Variants in OSBPL1A observed in about 807,000 individuals in gnomAD.
OSBPL1A encodes the protein oxysterol binding protein like 1A, also known as oxysterol-binding protein-related protein 1.
In OSBPL1A, 80 loss-of-function variants were observed where a neutral mutation model predicts 137.1. The ratio of observed to expected loss-of-function variants is 0.58; its 90% confidence interval spans 0.49 to 0.70. OSBPL1A has a LOEUF of 0.70. Among genes scored for constraint, OSBPL1A ranks in the 30% least tolerant of loss-of-function variants. The pLI is 0.00. For missense variants in OSBPL1A, 970 were observed against 1,129.4 expected, an observed-to-expected ratio of 0.86 and a Z score of 2.02; for synonymous variants, 365 against 389.7, an observed-to-expected ratio of 0.94 and a Z score of 0.75.
At chr18:24,311,100 T>C (rs1382121379) in intron 13 of OSBPL1A, among the ~76,000 whole-genome samples, 1 of 152,022 alleles carries the variant, frequency 6.6e-6, no homozygotes, top group Non-Finnish European at 1.5e-5. Flanking sequence ...AATTCTTTAA[T>C]GTTCCATCAT....
At chr18:24,334,220 T>C in intron 6 of OSBPL1A, 25 bp downstream of exon 6, 4 of 1,579,134 alleles carry the variant, frequency 2.5e-6, no homozygotes, top group Non-Finnish European at 3.4e-6. Context: ...CTTTTTGTCT[T>C]TTGGGGGTTT....
At chr18:24,326,977 A>G (rs2090992320) in intron 7 of OSBPL1A, among the ~76,000 whole-genome samples, 1 of 152,184 alleles carries the variant, frequency 6.6e-6, no homozygotes, top group Non-Finnish European at 1.5e-5. Flanking sequence ...GTTCTAAAAT[A>G]GGCCTGAAAA....
intron 4 of OSBPL1A, among the ~76,000 whole-genome samples, chr18:24,356,098 C>T (rs1244994969): frequency 6.6e-6 from 1 of 151,882 alleles, no homozygotes; most frequent in Non-Finnish European, 1.5e-5. Context: ...ATTCCTTGAA[C>T]CTGGGAGGCA....
chr18:24,305,663 A>G (rs1040986351), intron 13 of OSBPL1A, among the ~76,000 whole-genome samples: 2 of 152,182 alleles, frequency 1.3e-5, no homozygotes, highest in African/African-American at 4.8e-5. Context: ...TATGTCAGGA[A>G]CTGATATGAT....
At chr18:24,260,678 T>C (rs908510963) in intron 15 of OSBPL1A, among the ~76,000 whole-genome samples, 1 of 152,076 alleles carries the variant, frequency 6.6e-6, no homozygotes, top group African/African-American at 2.4e-5. Context: ...ATTTAATGGG[T>C]ACAGGGTTCC....
At chr18:24,326,933 A>T (rs796753939) in intron 7 of OSBPL1A, among the ~76,000 whole-genome samples, 15 of 152,312 alleles carry the variant, frequency 9.8e-5, no homozygotes, top group African/African-American at 3.4e-4. Flanking sequence ...CATTGCAACT[A>T]TAACAAGCAT....
intron 21 of OSBPL1A, among the ~76,000 whole-genome samples, chr18:24,174,804 T>C (rs2086380988): frequency 6.6e-6 from 1 of 152,006 alleles, no homozygotes; most frequent in African/African-American, 2.4e-5. Flanking sequence ...GATGAGGTCT[T>C]ATTCTACTAC....
intron 5 of OSBPL1A, among the ~76,000 whole-genome samples, chr18:24,339,394 T>G (rs2091236952): frequency 6.6e-6 from 1 of 152,204 alleles, no homozygotes; most frequent in Non-Finnish European, 1.5e-5. Context: ...TTATTATATG[T>G]GGGTAAGGTG....
At chr18:24,264,882 G>A (rs1026833782) in intron 15 of OSBPL1A, among the ~76,000 whole-genome samples, 1 of 152,168 alleles carries the variant, frequency 6.6e-6, no homozygotes, top group Non-Finnish European at 1.5e-5. Context: ...AGCGGCATAT[G>A]CTTGGGCAAG....
chr18:24,216,940 A>T (rs538896894), intron 17 of OSBPL1A, among the ~76,000 whole-genome samples: 7 of 152,320 alleles, frequency 4.6e-5, no homozygotes, highest in African/African-American at 1.7e-4. Context: ...GGGGCAGGAA[A>T]CAAATGATGT....
intron 17 of OSBPL1A, among the ~76,000 whole-genome samples, chr18:24,199,095 G>A (rs1186015197): frequency 6.6e-6 from 1 of 152,014 alleles, no homozygotes; most frequent in Non-Finnish European, 1.5e-5. Context: ...CTTACATGCA[G>A]TGATCCACCC....
chr18:24,166,543 G>A (rs189432344), intron 26 of OSBPL1A, 36 bp downstream of exon 26: 13 of 1,580,914 alleles, frequency 8.2e-6, no homozygotes, highest in Admixed American at 5.8e-5. Context: ...CCCGAGAAAT[G>A]AGTCTTCACT....
chr18:24,186,485 A>C (rs2086749428), intron 18 of OSBPL1A, among the ~76,000 whole-genome samples: 2 of 152,174 alleles, frequency 1.3e-5, no homozygotes, highest in South Asian at 4.1e-4. Flanking sequence ...GTAACATCAA[A>C]AAGTTAATAG....
At chr18:24,338,201 T>C (rs2091211393) in intron 5 of OSBPL1A, among the ~76,000 whole-genome samples, 1 of 151,766 alleles carries the variant, frequency 6.6e-6, no homozygotes, top group Non-Finnish European at 1.5e-5. Flanking sequence ...GCTTCCTCAG[T>C]AGCTGGGACT....
rs199563115 is a variant in OSBPL1A at position 24,164,420 on chromosome 18, G to GGTTTTTTTTTTTTTTTTTTT, written c.2750+644_2750+645insAAAAAAAAAAAAAAAAAAAC. ...ATGGAAAACAGTATGGAGATTTTTG[G>GGTTTTTTTTTTTTTTTTTTT]TTTTTTTTTTTTTTTTTTTTTTTTT... On this transcript the variant is annotated intron_variant, in intron 27 of 27. Coordinates refer to ENST00000319481, the MANE Select transcript of OSBPL1A (RefSeq NM_080597.4). Among the ~76,000 whole-genome samples, 8 of 95,970 alleles carry GGTTTTTTTTTTTTTTTTTTT rather than the reference G, an allele frequency of 8.3e-5. 1 individual carries two copies. Among genetic ancestry groups the GGTTTTTTTTTTTTTTTTTTT allele is most frequent in the Non-Finnish European group, 7.6e-5 (4 of 52,490 alleles). 63.0% of individuals were successfully genotyped at this position (95,970 alleles called of 152,430 possible). A position where few individuals can be genotyped will look rare whatever the true frequency, so the allele number is the denominator to read the frequency against.
At chr18:24,350,570 A>G (rs1039828144) in intron 4 of OSBPL1A, among the ~76,000 whole-genome samples, 5 of 152,070 alleles carry the variant, frequency 3.3e-5, no homozygotes, top group Non-Finnish European at 7.4e-5. Flanking sequence ...GCTATTACAG[A>G]CATGAGCCAC....
chr18:24,375,989 GAGTGAAGCTGCAGACCTTCGCAGT>G, intron 2 of OSBPL1A, among the ~76,000 whole-genome samples: 1 of 152,174 alleles, frequency 6.6e-6, no homozygotes, highest in South Asian at 2.1e-4. Context: ...CTGGCTTCAG[GAGTGAAGCTGCAGACCTTCGCAGT>G]GAGTGTTACA....
intron 4 of OSBPL1A, among the ~76,000 whole-genome samples, chr18:24,349,093 G>C (rs182224845): frequency 6.6e-6 from 1 of 152,288 alleles, no homozygotes; most frequent in East Asian, 1.9e-4. Context: ...CTTGAGCCCA[G>C]GAGGTCGAGG....
intron 16 of OSBPL1A, among the ~76,000 whole-genome samples, chr18:24,227,211 A>C (rs867916373): frequency 1.3e-5 from 2 of 152,154 alleles, no homozygotes; most frequent in Middle Eastern, 3.2e-3. Flanking sequence ...ACATTTTAAT[A>C]ATACATTTAA....
Sources: allele counts gnomAD v4.1 joint callset (sites outside exome capture counted in the v4.1 genomes callset), GRCh38; gene constraint gnomAD v4.1.1; transcripts MANE v1.5; gene names NCBI Gene and HGNC (gene_info 2026-07-23, HGNC 2026-07-21).